Variants in SPTBN1 observed in about 807,000 individuals in gnomAD.
The protein encoded by SPTBN1 is spectrin beta chain, non-erythrocytic 1.
Under a neutral mutation model 266.4 loss-of-function variants are expected in SPTBN1, and 32 were observed. The ratio of observed to expected loss-of-function variants is 0.12; its 90% confidence interval spans 0.09 to 0.16. The LOEUF (loss-of-function observed/expected upper bound fraction) is 0.16, where lower values mean the gene tolerates loss of function less well. Among genes scored for constraint, SPTBN1 ranks in the 10% least tolerant of loss-of-function variants. The pLI, the probability that SPTBN1 is intolerant of heterozygous loss-of-function variation, is 1.00. For synonymous variants in SPTBN1, 1,336 were observed against 1,162.2 expected, an observed-to-expected ratio of 1.15 and a Z score of -3.04; for missense variants, 2,296 against 3,067.1, an observed-to-expected ratio of 0.75 and a Z score of 5.94.
At chr2:54,618,051 G>A in intron 6 of SPTBN1, 27 bp from the exon 7 acceptor site, 1 of 1,554,664 alleles carries the variant, frequency 6.4e-7, no homozygotes, top group Non-Finnish European at 8.8e-7. Context: ...CATGATTTTT[G>A]TTGTGTCCCA....
intron 1 of SPTBN1, among the ~76,000 whole-genome samples, chr2:54,459,941 A>G (rs995118967): frequency 7.2e-5 from 11 of 152,194 alleles, no homozygotes; most frequent in African/African-American, 2.7e-4. Context: ...ATTGTGTGGG[A>G]ATAACATCAT....
intron 2 of SPTBN1, among the ~76,000 whole-genome samples, chr2:54,581,022 C>T (rs10169975): frequency 0.34 from 51,249 of 151,448 alleles, 11,147 homozygotes; most frequent in African/African-American, 0.63. Flanking sequence ...CGCTTGAGTC[C>T]GGGTGGTGGA....
intron 1 of SPTBN1, among the ~76,000 whole-genome samples, chr2:54,494,438 C>T (rs1668858339): frequency 6.6e-6 from 1 of 152,086 alleles, no homozygotes; most frequent in East Asian, 1.9e-4. Context: ...AAAAAAAATA[C>T]ACAAATGTTT....
In SPTBN1 at chr2:54,628,268, C is replaced by T. The variant is rs1678484814; in HGVS notation, c.1798+18C>T. ...CGGGGAAGGTAAGGATGGCCCATTC[C>T]AAGCATTACCTCCGGGTCACCAGAG... On this transcript the variant is annotated intron_variant, in intron 13 of 35. Coordinates refer to ENST00000356805, the MANE Select transcript of SPTBN1 (RefSeq NM_003128.3). The surrounding 1 kb of genome is among the most constrained non-coding windows in gnomAD (Gnocchi z 4.3). 1.9e-6 allele frequency: 3 copies of T among 1,601,366 alleles called. No individual in the cohort carries two copies. Among genetic ancestry groups the T allele is most frequent in the Non-Finnish European group, 2.6e-6 (3 of 1,174,376 alleles).
At position 54,649,480 on chromosome 2, in the gene SPTBN1, CTAT is replaced by C. The variant is rs1680127546; in HGVS notation, c.5203-133_5203-131del. ...TGCTAAGAGGTTCTCGAGCTAAGAT[CTAT>C]TGTTCTGAAGTCATGAGTATTATTG... On this transcript the variant is annotated intron_variant, in intron 25 of 35. Transcript: ENST00000356805. This position sits in a 1 kb window ranked among gnomAD's most constrained non-coding sequence, Gnocchi z 6.7. 2 of 1,361,156 alleles carry C rather than the reference CTAT, an allele frequency of 1.5e-6. No individual in the cohort carries two copies. The highest frequency in any genetic ancestry group is 2.0e-6 in the Non-Finnish European group (2 of 1,017,286). The allele number at this position is 1,361,156 out of a possible 1,614,324, so 84.3% of individuals were successfully genotyped here. A position where few individuals can be genotyped will look rare whatever the true frequency, so the allele number is the denominator to read the frequency against.
intron 1 of SPTBN1, among the ~76,000 whole-genome samples, chr2:54,464,447 G>C (rs1021728603): frequency 7.9e-5 from 12 of 152,092 alleles, no homozygotes. Flanking sequence ...TATAATCCTG[G>C]TTTTACTGTA....
intron 2 of SPTBN1, among the ~76,000 whole-genome samples, chr2:54,544,977 G>A (rs532459217): frequency 6.6e-6 from 1 of 152,194 alleles, no homozygotes; most frequent in Admixed American, 6.5e-5. Flanking sequence ...CGCCCTGTGT[G>A]CATGTGTTCT....
At chr2:54,575,831 C>T (rs1674423010) in intron 2 of SPTBN1, among the ~76,000 whole-genome samples, 1 of 152,216 alleles carries the variant, frequency 6.6e-6, no homozygotes, top group Admixed American at 6.5e-5. Flanking sequence ...TGTGTACAGA[C>T]ATTTGAGAGG....
At chr2:54,549,376 A>G (rs990272152) in intron 2 of SPTBN1, among the ~76,000 whole-genome samples, 2 of 152,052 alleles carry the variant, frequency 1.3e-5, no homozygotes, top group African/African-American at 4.8e-5. Flanking sequence ...ATGCTGCAGC[A>G]TATGACAGGA....
rs201132944 is a variant in SPTBN1 at position 54,618,117 on chromosome 2, C to T, written c.687C>T (p.Asn229=). 17 of 1,614,160 alleles carry T rather than the reference C, an allele frequency of 1.1e-5. No homozygotes were observed. Among genetic ancestry groups the T allele is most frequent in the African/African-American group, 6.7e-5 (5 of 75,036 alleles). The change falls in exon 7 of 36, where the codon AAC becomes AAT. Residue 229 remains asparagine (N), a synonymous_variant. Transcript: ENST00000356805. ...ATTTTGACAAACTAAAGAAATCTAA[C>T]GCACACTACAACCTGCAGAATGCAT... ...LIDFDKLKKS[N]AHYNLQNAFN... is the part of the protein sequence containing the mutation.
At chr2:54,587,665 G>C (rs557650588) in intron 2 of SPTBN1, among the ~76,000 whole-genome samples, 3 of 152,306 alleles carry the variant, frequency 2.0e-5, no homozygotes, top group African/African-American at 7.2e-5. Flanking sequence ...TGTGGGGAGG[G>C]CTGGAAAGTT....
At chr2:54,481,413 TGTGTGTGTGTGTGTGTGTGTGTGTGTG>T (rs1668094037) in intron 1 of SPTBN1, among the ~76,000 whole-genome samples, 7 of 132,632 alleles carry the variant, frequency 5.3e-5, no homozygotes, top group South Asian at 2.3e-4. Context: ...TGTGTGTGTG[TGTGTGTGTGTGTGTGTGTGTGTGTGTG>T]TTTTGTTTTG....
intron 3 of SPTBN1, among the ~76,000 whole-genome samples, chr2:54,609,707 G>A (rs1057228242): frequency 6.6e-6 from 1 of 152,074 alleles, no homozygotes; most frequent in Non-Finnish European, 1.5e-5. Context: ...GGTTCTGGGT[G>A]GGGGCATTAT....
chr2:54,526,181 G>A (rs932002057), intron 1 of SPTBN1, among the ~76,000 whole-genome samples, 191 bp from the exon 2 acceptor site: 13 of 152,230 alleles, frequency 8.5e-5, no homozygotes, highest in Non-Finnish European at 1.0e-4. Flanking sequence ...GAGGCTTAGA[G>A]ATACTAAGTA....
Position 54,558,093 on chromosome 2 carries a change from G to C in SPTBN1, c.148+31527G>C. 1 of 985,398 alleles carries C rather than the reference G, an allele frequency of 1.0e-6. No homozygotes were observed. Among genetic ancestry groups the C allele is most frequent in the Non-Finnish European group, 1.2e-6 (1 of 829,906 alleles). The allele number at this position is 985,398 out of a possible 1,614,324, so 61.0% of individuals were successfully genotyped here. On this transcript the variant is annotated intron_variant, in intron 2 of 35. Transcript: ENST00000356805. This position sits in a 1 kb window ranked among gnomAD's most constrained non-coding sequence, Gnocchi z 4.6. ...AGTGATAGTAATCGGAGACTTTTCC[G>C]TTACATGAGGCTCAACAAAAGATTG... is the stretch of plus-strand genomic sequence containing the variant.
At chr2:54,654,828 C>G (rs1345168683) in intron 27 of SPTBN1, among the ~76,000 whole-genome samples, 5 of 152,226 alleles carry the variant, frequency 3.3e-5, no homozygotes, top group Non-Finnish European at 5.9e-5. Flanking sequence ...TATTCAGGCA[C>G]ACACACAAAA....
At chr2:54,620,856 CTG>C (rs942560940) in intron 7 of SPTBN1, among the ~76,000 whole-genome samples, 8 of 152,236 alleles carry the variant, frequency 5.3e-5, no homozygotes, top group East Asian at 1.9e-4. Context: ...CTAGGAGAAA[CTG>C]TGTTCACAGC....
intron 1 of SPTBN1, among the ~76,000 whole-genome samples, chr2:54,479,420 T>C (rs988301222): frequency 2.0e-5 from 3 of 152,232 alleles, no homozygotes; most frequent in Admixed American, 1.3e-4. Context: ...TTCTGTTTCT[T>C]GGAGCCACAC....
chr2:54,642,288 G>C (rs73937509), intron 18 of SPTBN1, among the ~76,000 whole-genome samples: 1 of 152,200 alleles, frequency 6.6e-6, no homozygotes, highest in African/African-American at 2.4e-5. Context: ...CGGCTCTCTA[G>C]AGTTCAGATC....
Sources: gnomAD v4.1 joint callset for allele counts (sites outside exome capture counted in the v4.1 genomes callset) on GRCh38, gnomAD v4.1.1 for gene constraint, Gnocchi (gnomAD v3.1) non-coding constraint, MANE v1.5 for transcripts, NCBI Gene and HGNC (gene_info 2026-07-23, HGNC 2026-07-21) for gene names.